The following PRDM15 variants were observed in gnomAD, a reference collection of about 807,000 sequenced individuals.
The protein encoded by PRDM15 is PR domain zinc finger protein 15.
PRDM15 carries 64 observed loss-of-function variants against 128.6 expected under a neutral mutation model. The ratio of observed to expected loss-of-function variants is 0.50; its 90% confidence interval spans 0.41 to 0.61. The LOEUF is 0.61. Ranked by LOEUF, PRDM15 falls within the 20% of genes least tolerant of loss-of-function variation. PRDM15 has a pLI of 0.00. For missense variants in PRDM15, 1,242 were observed against 1,569.1 expected (o/e 0.79, Z 3.52); for synonymous variants, 615 against 621.8 (o/e 0.99, Z 0.16).
chr21:41,835,240 T>C (rs1434638983), intron 11 of PRDM15, among the ~76,000 whole-genome samples, 197 bp downstream of exon 11: 2 of 152,188 alleles, frequency 1.3e-5, no homozygotes, highest in East Asian at 3.9e-4. Context: ...CAATCCCTTT[T>C]TACTGGAAAG....
chr21:41,798,536 A>C lies in PRDM15; in HGVS notation c.*2704T>G, dbSNP rs988516679. On this transcript the variant is annotated 3_prime_UTR_variant, in exon 24 of 24. Transcript: ENST00000398548. ...CACGCTAGAGCATTCCAGAGGCCCG[A>C]GCCCCTTCTCAACCCACAGACCAGG... 3.3e-5 allele frequency: 5 copies of C among 152,398 alleles called. No homozygotes were observed. Among genetic ancestry groups the C allele is most frequent in the African/African-American group, 1.2e-4 (5 of 41,570 alleles). 9.4% of individuals were successfully genotyped at this position (152,398 alleles called of 1,614,324 possible).
intron 9 of PRDM15, 119 bp from the exon 10 acceptor site, chr21:41,836,326 AGAT>A: frequency 2.3e-6 from 3 of 1,301,736 alleles, no homozygotes; most frequent in Non-Finnish European, 3.2e-6. Context: ...GGAGCTGCAG[AGAT>A]GATCGCCCAC....
chr21:41,842,780 C>A (rs1219934057), intron 6 of PRDM15, among the ~76,000 whole-genome samples: 1 of 142,992 alleles, frequency 7.0e-6, no homozygotes, highest in Non-Finnish European at 1.5e-5. Flanking sequence ...TGAGCCACTA[C>A]GCCTGGCCTT....
chr21:41,802,764 A>G lies in PRDM15; in HGVS notation c.2891T>C (p.Phe964Ser). The G allele has an allele frequency of 1.9e-6, 3 of 1,614,156 alleles. No individual in the cohort carries two copies. Among genetic ancestry groups the G allele is most frequent in the Non-Finnish European group, 2.5e-6 (3 of 1,180,020 alleles). Residue 964 changes from phenylalanine to serine, a missense_variant, in exon 23 of 24, where the codon TTC (phenylalanine) becomes TCC (serine). Around this residue, in one of 3 missense-constraint regions of PRDM15, gnomAD observed 602 missense variants for 788.3 expected, o/e 0.76. Transcript: ENST00000398548. The part of the protein sequence containing the change: ...FSEYSEKETE[F>S]TGSVGDETNS... ...GGTCTCGTCGCCTACACTGCCTGTGAACTCCGTCTCTTTCTCTGAGTATTC... is the reference window on the plus strand; with the variant it reads ...GGTCTCGTCGCCTACACTGCCTGTGGACTCCGTCTCTTTCTCTGAGTATTC...
intron 13 of PRDM15, 95 bp downstream of exon 13, chr21:41,825,865 C>T (rs2062450700): frequency 4.0e-6 from 4 of 987,926 alleles, no homozygotes; most frequent in African/African-American, 1.6e-5. Context: ...CCCAAATCTT[C>T]CCTGCAATAT....
chr21:41,821,087 C>T lies in PRDM15; in HGVS notation c.2040G>A (p.Leu680=), dbSNP rs1752501434. 6.2e-7 allele frequency: 1 copy of T among 1,614,254 alleles called. No homozygotes were observed. The highest frequency in any genetic ancestry group is 8.5e-7 in the Non-Finnish European group (1 of 1,180,042). The change falls in exon 16 of 24, where the codon CTG becomes CTA. Residue 680 remains leucine, a synonymous_variant. Transcript: ENST00000398548. This position sits in a 1 kb window ranked among gnomAD's most constrained non-coding sequence, Gnocchi z 5.4. ...CTCACTTCTGCACGTTGGGGTCCGG[C>T]AGGTTTTCACGGTGGATGACCATGT... is the stretch of plus-strand genomic sequence containing the variant. The part of the protein sequence containing the change: ...HAHMVIHREN[L]PDPNVQKYIH...
chr21:41,844,527 T>G, intron 6 of PRDM15, among the ~76,000 whole-genome samples: 1 of 5,116 alleles, frequency 2.0e-4, no homozygotes, highest in Middle Eastern at 0.12. Context: ...ACACAGCCCC[T>G]CCCCCCTCAC....
rs1203262545 is a variant in PRDM15 at position 41,879,204 on chromosome 21, G to A, written c.-10+66C>T. ...CGCGCCGGGGCTCGCGGGGGCAGCG[G>A]GTGCGGCCCGGGGCCGGCGGGGCGC... is the stretch of plus-strand genomic sequence containing the variant. On this transcript the variant is annotated intron_variant, in intron 1 of 23. Coordinates refer to ENST00000398548, the MANE Select transcript of PRDM15 (RefSeq NM_001040424.3). This position sits in a 1 kb window ranked among gnomAD's most constrained non-coding sequence, Gnocchi z 5.1. The A allele has an allele frequency of 6.4e-6, 5 of 775,918 alleles. No homozygotes were observed. The highest frequency in any genetic ancestry group is 1.1e-4 in the South Asian group (2 of 17,998). The allele number at this position is 775,918 out of a possible 1,614,324, so 48.1% of individuals were successfully genotyped here.
chr21:41,854,013 C>G lies in PRDM15; in HGVS notation c.538+553G>C, dbSNP rs1255123802. Among the ~76,000 whole-genome samples, 1 of 152,236 alleles carries G rather than the reference C, an allele frequency of 6.6e-6. No homozygotes were observed. The highest frequency in any genetic ancestry group is 1.5e-5 in the Non-Finnish European group (1 of 68,036). ...TGGGTCACTCACTGCACGTAGCCCC[C>G]AGGGCAGAGCTAAGCAGTCATGCGC... On this transcript the variant is annotated intron_variant, in intron 5 of 23. Transcript: ENST00000398548. This position sits in a 1 kb window ranked among gnomAD's most constrained non-coding sequence, Gnocchi z 4.6.
chr21:41,822,055 C>T lies in PRDM15; in HGVS notation c.1762-18G>A, dbSNP rs771113621. 14 of 1,613,484 alleles carry T rather than the reference C, an allele frequency of 8.7e-6. No homozygotes were observed. The highest frequency in any genetic ancestry group is 1.1e-5 in the Non-Finnish European group (13 of 1,180,032). ...GCGATGTCCTGGAAAACAGCCACCA[C>T]TTCCGGTTTCTAACAGCGCAGCAGA... On this transcript the variant is annotated intron_variant, in intron 14 of 23. Transcript: ENST00000398548.
chr21:41,836,329 T>G (rs4920101), intron 9 of PRDM15, 122 bp from the exon 10 acceptor site: 2 of 1,268,832 alleles, frequency 1.6e-6, no homozygotes, highest in African/African-American at 3.0e-5. Flanking sequence ...GCTGCAGAGA[T>G]GATCGCCCAC....
intron 11 of PRDM15, among the ~76,000 whole-genome samples, chr21:41,831,561 G>T (rs111833941): frequency 2.2e-4 from 34 of 152,248 alleles, no homozygotes; most frequent in African/African-American, 5.8e-4. Context: ...TGCAGCCCAG[G>T]TTGGGGGTGA....
chr21:41,801,451 G>T lies in PRDM15; in HGVS notation c.3215C>A (p.Pro1072Gln). 2.5e-6 allele frequency: 4 copies of T among 1,614,220 alleles called. No homozygotes were observed. Among genetic ancestry groups the T allele is most frequent in the Non-Finnish European group, 3.4e-6 (4 of 1,180,038 alleles). Residue 1072 changes from proline (P) to glutamine (Q), a missense_variant, in exon 24 of 24, where the codon CCA becomes CAA. Coordinates refer to ENST00000398548, the MANE Select transcript of PRDM15 (RefSeq NM_001040424.3). Reference sequence around the variant, plus strand: ...GTTGATGAAATGGGCCACAGACTGTGGGTTCGAGGCTTCCGGCTGGGGGTG... The same window carrying T: ...GTTGATGAAATGGGCCACAGACTGTTGGTTCGAGGCTTCCGGCTGGGGGTG... Reference protein sequence around the residue: ...QIHPQPEASNPQSVAHFINLT... With the variant: ...QIHPQPEASNQQSVAHFINLT...
chr21:41,878,739 C>T, intron 1 of PRDM15: 2 of 1,568,928 alleles, frequency 1.3e-6, no homozygotes, highest in Non-Finnish European at 8.6e-7. Context: ...TCCAGGGACC[C>T]CCCCGTGCGA....
At chr21:41,807,833 C>T (rs1386501527) in intron 21 of PRDM15, among the ~76,000 whole-genome samples, 1 of 152,192 alleles carries the variant, frequency 6.6e-6, no homozygotes, top group Non-Finnish European at 1.5e-5. Context: ...CCCGCACCAC[C>T]TTCCCTGGGT....
At chr21:41,873,305 G>T (rs908955166) in intron 1 of PRDM15, among the ~76,000 whole-genome samples, 2 of 152,160 alleles carry the variant, frequency 1.3e-5, no homozygotes, top group Non-Finnish European at 2.9e-5. Context: ...TCTTGTGGGA[G>T]GATTTGTCAT....
At chr21:41,804,094 G>A (rs1006685196) in intron 22 of PRDM15, among the ~76,000 whole-genome samples, 1 of 151,736 alleles carries the variant, frequency 6.6e-6, no homozygotes, top group Admixed American at 6.6e-5. Flanking sequence ...CTCCTGAGTA[G>A]CTGGGATTAC....
rs970553590 is a variant in PRDM15 at position 41,840,498 on chromosome 21, C to T, written c.641-645G>A. 2.8e-4 allele frequency among the ~76,000 whole-genome samples: 41 copies of T among 149,034 alleles called. 1 individual carries two copies. The highest frequency in any genetic ancestry group is 7.9e-4 in the African/African-American group (32 of 40,440). ...CTAGACCTGTGAAAGCTCTGGGAGA[C>T]GTAGCAGAAGCAAAATCAAAACACT... On this transcript the variant is annotated intron_variant, in intron 6 of 23. Transcript: ENST00000398548.
Position 41,859,719 on chromosome 21 carries a change from G to C in PRDM15, c.38-34C>G, listed in dbSNP as rs112046185. The C allele has an allele frequency of 5.7e-6, 9 of 1,580,304 alleles. No homozygotes were observed. The highest frequency in any genetic ancestry group is 7.8e-6 in the Non-Finnish European group (9 of 1,151,894). ...AGACATCCGGGCATTAGAGCACCCA[G>C]GGAGGGAGACACCTAAAGAACACAA... On this transcript the variant is annotated intron_variant, in intron 2 of 23. Transcript: ENST00000398548. The surrounding 1 kb of genome is among the most constrained non-coding windows in gnomAD (Gnocchi z 5.3).
Sources: allele counts gnomAD v4.1 joint callset (sites outside exome capture counted in the v4.1 genomes callset), GRCh38; gene constraint gnomAD v4.1.1; regional missense constraint gnomAD v4.1.1; non-coding constraint Gnocchi (gnomAD v3.1); transcripts MANE v1.5; gene names NCBI Gene and HGNC (gene_info 2026-07-23, HGNC 2026-07-21).